The following CPLX2 variants were observed in gnomAD, a reference collection of about 807,000 sequenced individuals.
CPLX2 encodes complexin 2.
In CPLX2, 5 loss-of-function variants were observed where a neutral mutation model predicts 16.3. The ratio of observed to expected loss-of-function variants is 0.31; its 90% CI spans 0.16 to 0.64. CPLX2 has a LOEUF of 0.64. Among genes scored for constraint, CPLX2 ranks in the 30% least tolerant of loss-of-function variants. The pLI is 0.79. For synonymous variants in CPLX2, 89 were observed against 73.2 expected, an observed-to-expected ratio of 1.22 and a Z score of -1.10; for missense variants, 144 against 181.4, an observed-to-expected ratio of 0.79 and a Z score of 1.18.
chr5:175,873,084 G>T (rs976310406), intron 1 of CPLX2: 2 of 98,778 alleles, frequency 2.0e-5, no homozygotes, highest in Admixed American at 1.2e-4. Context: ...CCCCAGCGCA[G>T]CATCCCCCAC....
Position 175,878,949 on chromosome 5 carries a change from GAGA to G in CPLX2, c.76_78del (p.Lys26del), listed in dbSNP as rs1561793270. The G allele has an allele frequency of 1.9e-6, 3 of 1,612,190 alleles. No individual in the cohort carries two copies. Among genetic ancestry groups the G allele is most frequent in the Non-Finnish European group, 2.5e-6 (3 of 1,179,228 alleles). On this transcript the variant is annotated inframe_deletion, in exon 3 of 4. Coordinates refer to ENST00000393745, the MANE Select transcript of CPLX2 (RefSeq NM_001008220.2). Reference sequence around the variant, plus strand: ...GGGGAAGATGCTGGGGGGAGAGGAGGAGAAGGACCCCGACGCGCAGAAAAAGGA... The same window carrying G: ...GGGGAAGATGCTGGGGGGAGAGGAGGAGGACCCCGACGCGCAGAAAAAGGA...
intron 2 of CPLX2, among the ~76,000 whole-genome samples, chr5:175,843,956 T>C (rs1157839606): frequency 1.3e-5 from 2 of 152,234 alleles, no homozygotes; most frequent in African/African-American, 4.8e-5. Flanking sequence ...CAGTGTTCTC[T>C]GATTCACTGC....
chr5:175,826,187 G>C (rs1279539172), intron 2 of CPLX2, among the ~76,000 whole-genome samples: 1 of 152,112 alleles, frequency 6.6e-6, no homozygotes, highest in Non-Finnish European at 1.5e-5. Context: ...GAGTGGGTAG[G>C]ATAGTATGGG....
At chr5:175,834,151 G>A (rs531868826) in intron 2 of CPLX2, among the ~76,000 whole-genome samples, 10 of 152,226 alleles carry the variant, frequency 6.6e-5, no homozygotes, top group Non-Finnish European at 1.3e-4. Context: ...TGCCACTGAT[G>A]TAGCTTGGCA....
chr5:175,874,914 G>C (rs1347678064), intron 1 of CPLX2, among the ~76,000 whole-genome samples: 1 of 152,148 alleles, frequency 6.6e-6, no homozygotes, highest in Non-Finnish European at 1.5e-5. Flanking sequence ...GTAGGATGAA[G>C]ACCACAAGAG....
upstream of CPLX2, among the ~76,000 whole-genome samples, chr5:175,870,884 C>T (rs1393268332): frequency 6.6e-6 from 1 of 152,134 alleles, no homozygotes; most frequent in African/African-American, 2.4e-5. Flanking sequence ...GGTTCCTGAC[C>T]CACTGCGAGG....
At chr5:175,808,049 G>A (rs1482313502) in intron 1 of CPLX2, among the ~76,000 whole-genome samples, 1 of 125,920 alleles carries the variant, frequency 7.9e-6, no homozygotes, top group Non-Finnish European at 1.8e-5. Context: ...GGGGGAGGAG[G>A]CGACAGGTTG....
At chr5:175,854,768 A>C (rs1759220801) in intron 2 of CPLX2, among the ~76,000 whole-genome samples, 1 of 152,232 alleles carries the variant, frequency 6.6e-6, no homozygotes, top group Non-Finnish European at 1.5e-5. Context: ...TGAATTTTGC[A>C]GTGTCAGAGT....
chr5:175,850,962 G>A (rs1417449906), intron 2 of CPLX2, among the ~76,000 whole-genome samples: 1 of 52,072 alleles, frequency 1.9e-5, no homozygotes, highest in Non-Finnish European at 3.6e-5. Flanking sequence ...GAGGTGGTAG[G>A]GGCAGAGAGA....
upstream of CPLX2, among the ~76,000 whole-genome samples, chr5:175,867,711 C>T (rs985762997): frequency 3.5e-4 from 53 of 152,248 alleles, no homozygotes; most frequent in African/African-American, 1.1e-3. Flanking sequence ...CAGAGACGCA[C>T]GCCTGCCCTG....
At chr5:175,856,238 T>A (rs1759255290) in intron 2 of CPLX2, among the ~76,000 whole-genome samples, 1 of 152,180 alleles carries the variant, frequency 6.6e-6, no homozygotes, top group East Asian at 1.9e-4. Context: ...GTGGCTGAAA[T>A]GAGGTAGTAT....
In CPLX2 at chr5:175,878,637, A is replaced by T. The variant is rs2113715390; in HGVS notation, c.-88-15A>T. 7.3e-7 allele frequency: 1 copy of T among 1,374,276 alleles called. No individual in the cohort carries two copies. The highest frequency in any genetic ancestry group is 1.0e-6 in the Non-Finnish European group (1 of 986,128). 85.1% of individuals were successfully genotyped at this position (1,374,276 alleles called of 1,614,324 possible). A position where few individuals can be genotyped will look rare whatever the true frequency, so the allele number is the denominator to read the frequency against. On this transcript the variant is annotated splice_polypyrimidine_tract_variant and intron_variant, in intron 1 of 3. Coordinates refer to ENST00000393745, the MANE Select transcript of CPLX2 (RefSeq NM_001008220.2). ...CAGAGGCCTCTCCCATCTGACTCCCAATTCTCTTCTGCAGGTTGTCACATC... is the reference window on the plus strand; with the variant it reads ...CAGAGGCCTCTCCCATCTGACTCCCTATTCTCTTCTGCAGGTTGTCACATC...
At chr5:175,806,736 C>T (rs1758212091) in intron 1 of CPLX2, among the ~76,000 whole-genome samples, 1 of 151,522 alleles carries the variant, frequency 6.6e-6, no homozygotes, top group African/African-American at 2.4e-5. Context: ...CTACCTCAGG[C>T]GATCCATCAC....
intron 2 of CPLX2, among the ~76,000 whole-genome samples, chr5:175,818,384 C>T (rs1168517204): frequency 6.6e-6 from 1 of 152,112 alleles, no homozygotes; most frequent in Non-Finnish European, 1.5e-5. Flanking sequence ...CAGACAGCCA[C>T]AGAGCAGAGA....
intron 1 of CPLX2, among the ~76,000 whole-genome samples, chr5:175,807,806 G>T (rs1464271880): frequency 6.6e-6 from 1 of 152,206 alleles, no homozygotes; most frequent in African/African-American, 2.4e-5. Flanking sequence ...TCCAGCAAAG[G>T]AAGAGGGGAG....
upstream of CPLX2, chr5:175,871,450 A>G (rs1446509600): frequency 1.6e-5 from 2 of 121,686 alleles, no homozygotes; most frequent in African/African-American, 3.0e-5. Flanking sequence ...AGAGAGAGAG[A>G]GAGAGAGAGA....
At chr5:175,850,943 G>A (rs950843009) in intron 2 of CPLX2, among the ~76,000 whole-genome samples, 2 of 139,366 alleles carry the variant, frequency 1.4e-5, no homozygotes, top group African/African-American at 5.5e-5. Flanking sequence ...AGGAACCAGA[G>A]GCAGGAGGGA....
At chr5:175,871,522 G>C (rs1297257352), upstream of CPLX2, 3 of 149,318 alleles carry the variant, frequency 2.0e-5, no homozygotes, top group Non-Finnish European at 4.4e-5. Context: ...GCGGTAGAAC[G>C]TCAGGGCCCG....
At chr5:175,875,786 A>G (rs1161439501) in intron 1 of CPLX2, among the ~76,000 whole-genome samples, 2 of 152,130 alleles carry the variant, frequency 1.3e-5, no homozygotes, top group African/African-American at 4.8e-5. Flanking sequence ...TCAGAGGTCC[A>G]TGCTGGGATC....
Sources: allele counts gnomAD v4.1 joint callset (sites outside exome capture counted in the v4.1 genomes callset), GRCh38; gene constraint gnomAD v4.1.1; transcripts MANE v1.5; gene names NCBI Gene and HGNC (gene_info 2026-07-23, HGNC 2026-07-21).